Variants in ZNF16 observed in about 807,000 individuals in gnomAD.
ZNF16 encodes the protein zinc finger protein KOX9.
ZNF16 carries 7 observed loss-of-function variants against 9.0 expected under a neutral mutation model. The ratio of observed to expected loss-of-function variants is 0.78; its 90% CI spans 0.44 to 1.47. The LOEUF (loss-of-function observed/expected upper bound fraction) is 1.47. ZNF16 is among the 40% of genes most tolerant of loss of function. The probability of loss-of-function intolerance (pLI) is 0.01; values close to 1 mark genes in which losing one functional copy is unlikely to be tolerated. For missense variants in ZNF16, 830 were observed against 854.2 expected, an observed-to-expected ratio of 0.97 and a Z score of 0.35; for synonymous variants, 312 against 301.5, an observed-to-expected ratio of 1.03 and a Z score of -0.36.
rs546512295 is a variant in ZNF16, at chr8:144,930,497, C to T, written c.*241G>A. 47 of 445,580 alleles carry T rather than the reference C, an allele frequency of 1.1e-4. No individual in the cohort carries two copies. The highest frequency in any genetic ancestry group is 1.2e-3 in the Middle Eastern group (2 of 1,716). 27.6% of individuals were successfully genotyped at this position (445,580 alleles called of 1,614,324 possible). Reference sequence around the variant, plus strand: ...TCTCCCTTGTAACAAACGTGCAGTCCGTTCACAAGCTGTAAAAACAAGCCC... The same window carrying T: ...TCTCCCTTGTAACAAACGTGCAGTCTGTTCACAAGCTGTAAAAACAAGCCC... On this transcript the variant is annotated 3_prime_UTR_variant, in exon 3 of 3. Coordinates refer to ENST00000394909, the MANE Select transcript of ZNF16 (RefSeq NM_006958.3).
In ZNF16 at chr8:144,930,833, T is replaced by C. The variant is rs1324919682; in HGVS notation, c.1954A>G (p.Thr652Ala). The C allele has an allele frequency of 1.9e-6, 3 of 1,593,576 alleles. No homozygotes were observed. Among genetic ancestry groups the C allele is most frequent in the South Asian group, 2.3e-5 (2 of 86,888 alleles). The change falls in exon 3 of 3, where the codon ACT (threonine) becomes GCT (alanine). Residue 652 changes from threonine (T) to alanine (A), a missense_variant. Transcript: ENST00000394909. ...SVLIQHQRIH[T>A]GVKPYDCAAC... is the part of the protein sequence containing the mutation. ...GCACAGTCATAGGGCTTCACCCCAG[T>C]GTGAATCCTCTGGTGCTGGATGAGG...
rs933239428 is a variant in ZNF16 at position 144,930,873 on chromosome 8, G to A, written c.1914C>T (p.Phe638=). The A allele has an allele frequency of 8.1e-6, 13 of 1,607,898 alleles. No individual in the cohort carries two copies. Among genetic ancestry groups the A allele is most frequent in the African/African-American group, 1.3e-5 (1 of 74,870 alleles). The change falls in exon 3 of 3, where the codon TTC becomes TTT. Residue 638 remains phenylalanine (F), a synonymous_variant. Transcript: ENST00000394909. ...GCTGGATGAGGACCGAACGCTGACT[G>A]AAGGCTTTCCCACACTCACTGCATT... The part of the protein sequence containing the change: ...PYKCSECGKA[F]SQRSVLIQHQ...
chr8:144,932,558 G>A lies in ZNF16; in HGVS notation c.229C>T (p.Leu77Phe). ...TCTTCATGAATGTCTTCCTTGTGAAGAAACTCCTTGTCTTCAGTCCTGGTG... is the reference window on the plus strand; with the variant it reads ...TCTTCATGAATGTCTTCCTTGTGAAAAAACTCCTTGTCTTCAGTCCTGGTG... ...CDTRTEDKEF[L>F]HKEDIHEDLE... is the part of the protein sequence containing the mutation. Residue 77 changes from leucine (L) to phenylalanine (F), a missense_variant, in exon 3 of 3, where the codon CTT (leucine) becomes TTT (phenylalanine). By Grantham distance (22) the Leu-to-Phe change is conservative. Coordinates refer to ENST00000394909, the MANE Select transcript of ZNF16 (RefSeq NM_006958.3). This position sits in a 1 kb window ranked among gnomAD's most constrained non-coding sequence, Gnocchi z 5.0. 6.2e-7 allele frequency: 1 copy of A among 1,613,966 alleles called. No individual in the cohort carries two copies. Among genetic ancestry groups the A allele is most frequent in the Non-Finnish European group, 8.5e-7 (1 of 1,179,928 alleles).
At chr8:144,936,654 C>T (rs1453188505) in intron 2 of ZNF16, among the ~76,000 whole-genome samples, 1 of 152,080 alleles carries the variant, frequency 6.6e-6, no homozygotes, top group Non-Finnish European at 1.5e-5. Flanking sequence ...AGCATCTTTT[C>T]TTTTGCTTGT....
Position 144,932,236 on chromosome 8 carries a change from T to C in ZNF16, c.551A>G (p.Asp184Gly). 1 of 1,614,180 alleles carries C rather than the reference T, an allele frequency of 6.2e-7. No individual in the cohort carries two copies. Among genetic ancestry groups the C allele is most frequent in the Non-Finnish European group, 8.5e-7 (1 of 1,180,038 alleles). The change falls in exon 3 of 3, where the codon GAC becomes GGC. Residue 184 changes from aspartate to glycine, a missense_variant. Transcript: ENST00000394909. The surrounding 1 kb of genome is among the most constrained non-coding windows in gnomAD (Gnocchi z 5.0). ...GTGCTGGAAACTCTGGCCACCCATG[T>C]CATATGGATGTGGCCTCTCTTCTGT... ...IPTEERPHPY[D>G]MGGQSFQHSV... is the part of the protein sequence containing the mutation.
At position 144,931,460 on chromosome 8, in the gene ZNF16, T is replaced by G; in HGVS notation, c.1327A>C (p.Ser443Arg). ...YKCSDCGKAF[S>R]QSSSLIQHRR... is the part of the protein sequence containing the mutation. ...TGCTGAATAAGGCTGGAGCTCTGAC[T>G]AAATGCTTTCCCACAGTCACTGCAC... The change falls in exon 3 of 3, where the codon AGT becomes CGT. Residue 443 changes from serine to arginine, a missense_variant. Transcript: ENST00000394909. The G allele has an allele frequency of 6.2e-7, 1 of 1,614,198 alleles. No individual in the cohort carries two copies. Among genetic ancestry groups the G allele is most frequent in the Non-Finnish European group, 8.5e-7 (1 of 1,180,038 alleles).
chr8:144,944,655 T>C (rs2130045796), intron 2 of ZNF16: 1 of 152,350 alleles, frequency 6.6e-6, no homozygotes, highest in Admixed American at 6.5e-5. Flanking sequence ...TGGGACATAT[T>C]TTTTTGCTTC....
chr8:144,930,719 C>G lies in ZNF16; in HGVS notation c.*19G>C. Reference sequence around the variant, plus strand: ...GGAGAGGAAACTATGCTCGGTTTCACTCCTGCCAGCCCAACAGCCTATTCC... The same window carrying G: ...GGAGAGGAAACTATGCTCGGTTTCAGTCCTGCCAGCCCAACAGCCTATTCC... On this transcript the variant is annotated 3_prime_UTR_variant, in exon 3 of 3. Coordinates refer to ENST00000394909, the MANE Select transcript of ZNF16 (RefSeq NM_006958.3). 2 of 1,517,296 alleles carry G rather than the reference C, an allele frequency of 1.3e-6. No homozygotes were observed. Among genetic ancestry groups the G allele is most frequent in the East Asian group, 4.5e-5 (2 of 44,044 alleles). The allele number at this position is 1,517,296 out of a possible 1,614,324, so 94.0% of individuals were successfully genotyped here. A position where few individuals can be genotyped will look rare whatever the true frequency, so the allele number is the denominator to read the frequency against.
Position 144,931,423 on chromosome 8 carries a change from T to C in ZNF16, c.1364A>G (p.His455Arg). Residue 455 changes from histidine to arginine, a missense_variant, in exon 3 of 3, where the codon CAC becomes CGC. By Grantham distance (29) the His-to-Arg change is conservative. Transcript: ENST00000394909. ...SSSLIQHRRI[H>R]TGEKPHVCNV... The stretch of plus-strand genomic sequence containing the variant: ...ACACACGTGAGGCTTTTCTCCAGTG[T>C]GAATTCTCCGATGCTGAATAAGGCT... 1 of 1,614,158 alleles carries C rather than the reference T, an allele frequency of 6.2e-7. No individual in the cohort carries two copies. Among genetic ancestry groups the C allele is most frequent in the Non-Finnish European group, 8.5e-7 (1 of 1,180,028 alleles).
chr8:144,934,242 T>C (rs993930900), intron 2 of ZNF16, among the ~76,000 whole-genome samples: 3 of 152,216 alleles, frequency 2.0e-5, no homozygotes, highest in Non-Finnish European at 4.4e-5. Context: ...GTTGGGTCAC[T>C]GGACACCTGT....
chr8:144,934,305 T>A (rs1833630390), intron 2 of ZNF16, among the ~76,000 whole-genome samples: 1 of 152,208 alleles, frequency 6.6e-6, no homozygotes. Context: ...CTCTTGCAGC[T>A]CCCTACTTCC....
rs760122438 is a variant in ZNF16 at position 144,931,679 on chromosome 8, T to C, written c.1108A>G (p.Thr370Ala). Residue 370 changes from threonine to alanine, a missense_variant, in exon 3 of 3, where the codon ACT (threonine) becomes GCT (alanine). Coordinates refer to ENST00000394909, the MANE Select transcript of ZNF16 (RefSeq NM_006958.3). Reference sequence around the variant, plus strand: ...TCAAAAGGCTTCTCTCCTGTGTGAGTCCTGTGGTGTTTGATGAGGTTTGAG... The same window carrying C: ...TCAAAAGGCTTCTCTCCTGTGTGAGCCCTGTGGTGTTTGATGAGGTTTGAG... ...RSSNLIKHHR[T>A]HTGEKPFECG... 6.2e-7 allele frequency: 1 copy of C among 1,613,246 alleles called. No individual in the cohort carries two copies. The highest frequency in any genetic ancestry group is 1.7e-5 in the Admixed American group (1 of 59,948).
At chr8:144,942,714 C>A (rs1323009181) in intron 2 of ZNF16, among the ~76,000 whole-genome samples, 1 of 152,178 alleles carries the variant, frequency 6.6e-6, no homozygotes, top group African/African-American at 2.4e-5. Flanking sequence ...ATGTTACCCC[C>A]CTTATGTTGT....
rs117713785 is a variant in ZNF16 at position 144,949,867 on chromosome 8, A to G, written c.-10+930T>C. On this transcript the variant is annotated intron_variant, in intron 1 of 2. Coordinates refer to ENST00000394909, the MANE Select transcript of ZNF16 (RefSeq NM_006958.3). ...GAAAGACCTGACCGTCCCCCAGCCC[A>G]ACGCCCGTAAAGGGTCTGTGTTGAG... is the stretch of plus-strand genomic sequence containing the variant. Among the ~76,000 whole-genome samples, 545 of 152,262 alleles carry G rather than the reference A, an allele frequency of 3.6e-3. 2 individuals carry two copies. Among genetic ancestry groups the G allele is most frequent in the Middle Eastern group, 0.034 (10 of 294 alleles).
chr8:144,934,256 G>A (rs1027113456), intron 2 of ZNF16, among the ~76,000 whole-genome samples: 3 of 152,224 alleles, frequency 2.0e-5, no homozygotes, highest in Non-Finnish European at 4.4e-5. Context: ...CACCTGTGGT[G>A]CAGACACATC....
rs1182288092 is a variant in ZNF16, at chr8:144,950,854, A to T, written c.-67T>A. 1 of 151,964 alleles carries T rather than the reference A, an allele frequency of 6.6e-6. No individual in the cohort carries two copies. The highest frequency in any genetic ancestry group is 2.4e-5 in the African/African-American group (1 of 41,332). 9.4% of individuals were successfully genotyped at this position (151,964 alleles called of 1,614,324 possible). A position where few individuals can be genotyped will look rare whatever the true frequency, so the allele number is the denominator to read the frequency against. ...CCGTGGCACGAAGACGTCTCAGCCA[A>T]CGCCGGCTGACCCCCGGAAGTCCCG... On this transcript the variant is annotated 5_prime_UTR_variant, in exon 1 of 3. It adds an upstream start codon to the 5' untranslated region. Coordinates refer to ENST00000394909, the MANE Select transcript of ZNF16 (RefSeq NM_006958.3).
In ZNF16 at chr8:144,941,913, C is replaced by CT. The variant is rs563741866; in HGVS notation, c.196+4097_196+4098insA. 1.2e-3 allele frequency among the ~76,000 whole-genome samples: 179 copies of CT among 150,814 alleles called. 1 individual carries two copies. Among genetic ancestry groups the CT allele is most frequent in the Middle Eastern group, 7.0e-3 (2 of 286 alleles). ...GACCTCATGATCTGCCCACCTCAGC[C>CT]CCCAAAGTGCTGGGATTACAGGCGT... is the stretch of plus-strand genomic sequence containing the variant. On this transcript the variant is annotated intron_variant, in intron 2 of 2. Coordinates refer to ENST00000394909, the MANE Select transcript of ZNF16 (RefSeq NM_006958.3).
intron 1 of ZNF16, among the ~76,000 whole-genome samples, chr8:144,946,618 C>T: frequency 8.1e-6 from 1 of 122,850 alleles, no homozygotes; most frequent in Non-Finnish European, 1.7e-5. Context: ...GGGCTTGTGT[C>T]CTGCTGTTGG....
At position 144,932,145 on chromosome 8, in the gene ZNF16, A is replaced by G. The variant is rs758041682; in HGVS notation, c.642T>C (p.Cys214=). Residue 214 remains cysteine, a synonymous_variant, in exon 3 of 3, where the codon TGT becomes TGC. Coordinates refer to ENST00000394909, the MANE Select transcript of ZNF16 (RefSeq NM_006958.3). The surrounding 1 kb of genome is among the most constrained non-coding windows in gnomAD (Gnocchi z 5.0). ...CAGGATTTCCTTGGAAGGTTTTCCC[A>G]CACTCATTACATATGAGTGGACTTT... ...TAESPLICNE[C]GKTFQGNPDL... is the part of the protein sequence containing the mutation. 4 of 1,614,092 alleles carry G rather than the reference A, an allele frequency of 2.5e-6. No homozygotes were observed. In the Admixed American group the frequency reaches 6.7e-5, roughly 27 times the overall value.
Sources: gnomAD v4.1 joint callset for allele counts (sites outside exome capture counted in the v4.1 genomes callset) on GRCh38, gnomAD v4.1.1 for gene constraint, Gnocchi (gnomAD v3.1) non-coding constraint, MANE v1.5 for transcripts, NCBI Gene and HGNC (gene_info 2026-07-23, HGNC 2026-07-21) for gene names.